The following DIAPH2 variants were observed in gnomAD, a reference collection of about 807,000 sequenced individuals.
DIAPH2 encodes protein diaphanous homolog 2.
A neutral mutation model predicts 92.7 loss-of-function variants in DIAPH2; 35 were observed. That is an observed-to-expected ratio of 0.38 (90% CI 0.29 to 0.50). DIAPH2 has a LOEUF of 0.50. Among genes scored for constraint, DIAPH2 ranks in the 20% least tolerant of loss-of-function variants. DIAPH2 has a pLI of 0.94. For missense variants in DIAPH2, 701 were observed against 819.5 expected (o/e 0.86, Z 1.77); for synonymous variants, 301 against 280.4 (o/e 1.07, Z -0.73).
At chrX:97,174,940 A>C (rs1432311575) in intron 22 of DIAPH2, among the ~76,000 whole-genome samples, 1 of 111,799 alleles carries the variant, frequency 8.9e-6, no homozygotes, top group East Asian at 2.8e-4. Context: ...TGGTAACGAT[A>C]TGCCATGTCT....
chrX:96,895,425 A>G (rs116150884), intron 5 of DIAPH2, among the ~76,000 whole-genome samples: 2,592 of 112,018 alleles, frequency 0.023, 73 homozygotes, highest in African/African-American at 0.08. Flanking sequence ...CTGGACACAT[A>G]CTGCAGAGGT....
chrX:97,199,112 T>A (rs928857462), intron 22 of DIAPH2, among the ~76,000 whole-genome samples: 2 of 110,144 alleles, frequency 1.8e-5, no homozygotes, highest in Non-Finnish European at 3.8e-5. Flanking sequence ...AAGGCAGTGC[T>A]GAGTTTTTCT....
chrX:96,751,814 C>T (rs1178537830), intron 3 of DIAPH2, among the ~76,000 whole-genome samples: 2 of 95,229 alleles, frequency 2.1e-5, no homozygotes, highest in African/African-American at 3.7e-5. Context: ...CCACTACGCC[C>T]GGCTAATTTT....
chrX:97,161,905 T>C (rs893155632), intron 22 of DIAPH2, among the ~76,000 whole-genome samples: 2 of 111,757 alleles, frequency 1.8e-5, no homozygotes, highest in Non-Finnish European at 3.8e-5. Context: ...CATGTTATTC[T>C]TTACTTCTGT....
intron 17 of DIAPH2, among the ~76,000 whole-genome samples, chrX:97,072,022 G>T (rs200196691): frequency 8.9e-6 from 1 of 111,892 alleles, no homozygotes; most frequent in Non-Finnish European, 1.9e-5. Flanking sequence ...TTTTCTGATG[G>T]CCCCATTACT....
At chrX:97,104,780 G>A (rs1314577852) in intron 20 of DIAPH2, among the ~76,000 whole-genome samples, 2 of 111,407 alleles carry the variant, frequency 1.8e-5, no homozygotes, top group African/African-American at 6.5e-5. Context: ...TCATCAGTTA[G>A]GGGTGTAAAT....
At chrX:96,797,194 A>G (rs753974410) in intron 4 of DIAPH2, among the ~76,000 whole-genome samples, 1 of 110,321 alleles carries the variant, frequency 9.1e-6, no homozygotes, top group Non-Finnish European at 1.9e-5. Flanking sequence ...TAGAAAAGAC[A>G]TTTGGGCCAG....
Position 96,899,940 on chromosome X carries a change from G to A in DIAPH2, c.588-12388G>A, listed in dbSNP as rs947609465. On this transcript the variant is annotated intron_variant, in intron 5 of 26. Transcript: ENST00000324765. The stretch of plus-strand genomic sequence containing the variant: ...TTATTGAGAGTTTTTAGCATGAAGT[G>A]TTGTTGAATTTTGTCAAAGGCCTTT... Among the ~76,000 whole-genome samples the A allele has an allele frequency of 6.4e-5, 7 of 109,338 alleles. No individual in the cohort carries two copies. In the Admixed American group the frequency reaches 6.9e-4, roughly 11 times the overall value. The allele number at this position is 109,338 out of a possible 115,157, so 94.9% of individuals were successfully genotyped here. A position where few individuals can be genotyped will look rare whatever the true frequency, so the allele number is the denominator to read the frequency against.
In DIAPH2 at chrX:96,966,295, T is replaced by G. The variant is rs759967723; in HGVS notation, c.2050+1088T>G. On this transcript the variant is annotated intron_variant, in intron 17 of 26. Coordinates refer to ENST00000324765, the MANE Select transcript of DIAPH2 (RefSeq NM_006729.5). ...TATCGCAGACCTCACATTTAAAGAA[T>G]TTTTCAATGATTCAAGTGATTGCCA... 1.5e-4 allele frequency among the ~76,000 whole-genome samples: 17 copies of G among 111,895 alleles called. No individual in the cohort carries two copies. In the East Asian group the frequency reaches 4.7e-3, roughly 31 times the overall value.
chrX:97,583,667 G>T (rs1376027475), intron 26 of DIAPH2, among the ~76,000 whole-genome samples: 1 of 111,899 alleles, frequency 8.9e-6, no homozygotes, highest in African/African-American at 3.2e-5. Context: ...GCCTACAGAG[G>T]CAGGCAGGCC....
chrX:97,398,741 ATT>A (rs1402119361), intron 25 of DIAPH2, among the ~76,000 whole-genome samples: 9 of 95,896 alleles, frequency 9.4e-5, no homozygotes, highest in Admixed American at 1.1e-4. Flanking sequence ...GAAGGATGTG[ATT>A]TTTTTTTTTT....
intron 4 of DIAPH2, among the ~76,000 whole-genome samples, chrX:96,830,952 C>T (rs1436740306): frequency 9.0e-6 from 1 of 111,262 alleles, no homozygotes; most frequent in Non-Finnish European, 1.9e-5. Flanking sequence ...TAATCCTATA[C>T]AAATATGTGA....
intron 3 of DIAPH2, among the ~76,000 whole-genome samples, chrX:96,744,575 G>A (rs948119609): frequency 1.8e-5 from 2 of 111,889 alleles, no homozygotes; most frequent in African/African-American, 6.5e-5. Context: ...AAGCCAGCCT[G>A]GGATGGATTA....
chrX:97,567,005 T>A (rs956888828), intron 26 of DIAPH2, among the ~76,000 whole-genome samples: 2 of 111,947 alleles, frequency 1.8e-5, no homozygotes, highest in Non-Finnish European at 3.8e-5. Flanking sequence ...GTGATTTAAA[T>A]GCATACTAAT....
At chrX:96,990,600 G>A (rs1433722123) in intron 17 of DIAPH2, among the ~76,000 whole-genome samples, 1 of 110,563 alleles carries the variant, frequency 9.0e-6, no homozygotes, top group Non-Finnish European at 1.9e-5. Flanking sequence ...TTATTGATAC[G>A]TAATAGTTAC....
chrX:97,544,772 G>A (rs1203087313), intron 26 of DIAPH2, among the ~76,000 whole-genome samples: 1 of 112,054 alleles, frequency 8.9e-6, no homozygotes, highest in Non-Finnish European at 1.9e-5. Context: ...GAATCATTGG[G>A]TTAACATTCT....
intron 14 of DIAPH2, among the ~76,000 whole-genome samples, chrX:96,947,034 A>G (rs1396711929): frequency 9.0e-6 from 1 of 111,463 alleles, no homozygotes. Flanking sequence ...CTTTTCCACT[A>G]ATTAGCTGTG....
chrX:96,796,592 A>G (rs951530739), intron 4 of DIAPH2, among the ~76,000 whole-genome samples: 2 of 111,696 alleles, frequency 1.8e-5, no homozygotes, highest in Non-Finnish European at 3.8e-5. Flanking sequence ...GGCATATTAG[A>G]TATGGCTCTT....
intron 26 of DIAPH2, among the ~76,000 whole-genome samples, chrX:97,561,367 A>G (rs964821354): frequency 1.1e-4 from 12 of 112,596 alleles, no homozygotes; most frequent in African/African-American, 3.9e-4. Flanking sequence ...ATGCAACTCA[A>G]CAACAGTAGT....
Sources: gnomAD v4.1 joint callset for allele counts (sites outside exome capture counted in the v4.1 genomes callset) on GRCh38, gnomAD v4.1.1 for gene constraint, MANE v1.5 for transcripts, NCBI Gene and HGNC (gene_info 2026-07-23, HGNC 2026-07-21) for gene names.